GPR149: variants seen among roughly 807,000 people sequenced by gnomAD.
GPR149 encodes G protein-coupled receptor 149, also known as probable G protein-coupled receptor 149.
A neutral mutation model predicts 50.2 loss-of-function variants in GPR149; 50 were observed. The observed-to-expected ratio is 1.00, with a 90% CI of 0.79 to 1.26. The LOEUF is 1.26. Among genes scored for constraint, GPR149 ranks in the 50% most tolerant of loss-of-function variants. The pLI, the probability that GPR149 is intolerant of heterozygous loss-of-function variation, is 0.00. For missense variants in GPR149, 983 were observed against 895.4 expected (o/e 1.10, Z -1.25); for synonymous variants, 405 against 358.2 (o/e 1.13, Z -1.48).
intron 3 of GPR149, among the ~76,000 whole-genome samples, chr3:154,365,227 G>A (rs1421849307): frequency 2.0e-4 from 31 of 152,122 alleles, no homozygotes; most frequent in Admixed American, 2.0e-3. Context: ...CCAGAGTATG[G>A]GGGAGGAGAG....
intron 3 of GPR149, among the ~76,000 whole-genome samples, chr3:154,355,553 TATG>T (rs1714199783): frequency 2.0e-5 from 3 of 152,216 alleles, no homozygotes; most frequent in Admixed American, 6.5e-5. Context: ...TCAAATCAGA[TATG>T]ATATGTATCC....
At chr3:154,420,672 G>T (rs1311525295) in intron 3 of GPR149, among the ~76,000 whole-genome samples, 1 of 151,608 alleles carries the variant, frequency 6.6e-6, no homozygotes, top group African/African-American at 2.4e-5. Context: ...GGAGACTTAA[G>T]GTATACCTTT....
In GPR149 at chr3:154,335,607, A is replaced by G. The variant is rs980066566; in HGVS notation, c.*2092T>C. The G allele has an allele frequency of 1.3e-5, 2 of 152,158 alleles. No individual in the cohort carries two copies. The highest frequency in any genetic ancestry group is 4.8e-5 in the African/African-American group (2 of 41,456). The allele number at this position is 152,158 out of a possible 1,614,324, so 9.4% of individuals were successfully genotyped here. A position where few individuals can be genotyped will look rare whatever the true frequency, so the allele number is the denominator to read the frequency against. On this transcript the variant is annotated 3_prime_UTR_variant, in exon 4 of 4. Coordinates refer to ENST00000389740, the MANE Select transcript of GPR149 (RefSeq NM_001038705.3). ...AACAACCAAGGGCAATTAAATGGGA[A>G]TATCCTAATTATTTTTCCAATTCCC...
chr3:154,352,503 G>T lies in GPR149; in HGVS notation c.1624-14232C>A, dbSNP rs1044136692. The T allele has an allele frequency of 5.2e-6, 4 of 774,530 alleles. No homozygotes were observed. In the Admixed American group the frequency reaches 6.8e-5, roughly 13 times the overall value. 48.0% of individuals were successfully genotyped at this position (774,530 alleles called of 1,614,324 possible). A position where few individuals can be genotyped will look rare whatever the true frequency, so the allele number is the denominator to read the frequency against. On this transcript the variant is annotated intron_variant, in intron 3 of 3. Transcript: ENST00000389740. ...GCACACACTGGTAATCTGAGACGCT[G>T]TATTACTACTTAGCTTTCTATTAAG...
rs943050158 is a variant in GPR149 at position 154,335,829 on chromosome 3, C to T, written c.*1870G>A. The stretch of plus-strand genomic sequence containing the variant: ...CTTCAGCTTTATTATGATCCTGTGT[C>T]TAATTTCCTTTTTGCCTGAAATTGC... On this transcript the variant is annotated 3_prime_UTR_variant, in exon 4 of 4. Coordinates refer to ENST00000389740, the MANE Select transcript of GPR149 (RefSeq NM_001038705.3). The T allele has an allele frequency of 6.6e-6, 1 of 152,118 alleles. No homozygotes were observed. Among genetic ancestry groups the T allele is most frequent in the African/African-American group, 2.4e-5 (1 of 41,452 alleles). 9.4% of individuals were successfully genotyped at this position (152,118 alleles called of 1,614,324 possible). A position where few individuals can be genotyped will look rare whatever the true frequency, so the allele number is the denominator to read the frequency against.
chr3:154,427,765 G>C (rs1443103121), intron 1 of GPR149, 57 bp from the exon 2 acceptor site: 4 of 1,486,642 alleles, frequency 2.7e-6, no homozygotes, highest in Non-Finnish European at 3.6e-6. Flanking sequence ...TACTTCTCAA[G>C]CCTTTTCTCC....
intron 3 of GPR149, among the ~76,000 whole-genome samples, chr3:154,368,092 A>G (rs1714583532): frequency 6.6e-6 from 1 of 152,184 alleles, no homozygotes; most frequent in Non-Finnish European, 1.5e-5. Flanking sequence ...GTGGTCCCGA[A>G]GTACACCCGG....
In GPR149 at chr3:154,337,807, G is replaced by A. The variant is rs1442836862; in HGVS notation, c.2088C>T (p.His696=). The change falls in exon 4 of 4, where the codon CAC becomes CAT. Residue 696 remains histidine, a synonymous_variant. Coordinates refer to ENST00000389740, the MANE Select transcript of GPR149 (RefSeq NM_001038705.3). Reference sequence around the variant, plus strand: ...GATGCTGCCTTTTACTGTTCTGCCTGTGTGCTTCTACTGTGTCTGGAATGG... The same window carrying A: ...GATGCTGCCTTTTACTGTTCTGCCTATGTGCTTCTACTGTGTCTGGAATGG... ...NISIPDTVEA[H]RQNSKRQHQE... 3 of 1,614,040 alleles carry A rather than the reference G, an allele frequency of 1.9e-6. No individual in the cohort carries two copies. In the Admixed American group the frequency reaches 5.0e-5, roughly 27 times the overall value.
chr3:154,344,019 G>A (rs971805645), intron 3 of GPR149, among the ~76,000 whole-genome samples: 5 of 151,978 alleles, frequency 3.3e-5, no homozygotes, highest in Non-Finnish European at 7.4e-5. Context: ...AAAAAATGTA[G>A]AGAATGGCAC....
At position 154,336,485 on chromosome 3, in the gene GPR149, A is replaced by G. The variant is rs950611731; in HGVS notation, c.*1214T>C. On this transcript the variant is annotated 3_prime_UTR_variant, in exon 4 of 4. Transcript: ENST00000389740. ...AACTTTTAGGTAATACATTTCATAT[A>G]TGTTTACAGGAAGGTTAGAATAAAG... 1 of 152,136 alleles carries G rather than the reference A, an allele frequency of 6.6e-6. No homozygotes were observed. Among genetic ancestry groups the G allele is most frequent in the African/African-American group, 2.4e-5 (1 of 41,456 alleles). 9.4% of individuals were successfully genotyped at this position (152,136 alleles called of 1,614,324 possible). A position where few individuals can be genotyped will look rare whatever the true frequency, so the allele number is the denominator to read the frequency against.
In GPR149 at chr3:154,338,750, G is replaced by A. The variant is rs375490176; in HGVS notation, c.1624-479C>T. The stretch of plus-strand genomic sequence containing the variant: ...AAGTAAATGATAATTGTGAAACGGT[G>A]GCTTAAGGACAAAAGATACTTCAAC... On this transcript the variant is annotated intron_variant, in intron 3 of 3. Transcript: ENST00000389740. 2.0e-5 allele frequency among the ~76,000 whole-genome samples: 3 copies of A among 152,080 alleles called. No homozygotes were observed. The East Asian group carries it at 5.8e-4, about 29-fold the overall frequency.
At chr3:154,371,004 G>T (rs1157439017) in intron 3 of GPR149, among the ~76,000 whole-genome samples, 1 of 152,114 alleles carries the variant, frequency 6.6e-6, no homozygotes, top group Non-Finnish European at 1.5e-5. Context: ...CAACTTTGAG[G>T]TATGGGCCTT....
chr3:154,411,604 A>C (rs772606363), intron 3 of GPR149, among the ~76,000 whole-genome samples: 1 of 152,166 alleles, frequency 6.6e-6, no homozygotes, highest in Non-Finnish European at 1.5e-5. Context: ...CCTAGAGGAG[A>C]TGAATAAATT....
At chr3:154,428,281 A>G (rs901262362) in intron 1 of GPR149, among the ~76,000 whole-genome samples, 18 of 152,192 alleles carry the variant, frequency 1.2e-4, no homozygotes, top group African/African-American at 4.1e-4. Context: ...GGTTGTGGGG[A>G]AAAAACCTTT....
intron 3 of GPR149, among the ~76,000 whole-genome samples, chr3:154,367,993 T>C (rs997724428): frequency 6.6e-6 from 1 of 152,200 alleles, no homozygotes; most frequent in Admixed American, 6.5e-5. Flanking sequence ...TCAGGCTGTC[T>C]GGAAAAGGGC....
At chr3:154,405,123 ATTATAC>A (rs1163012532) in intron 3 of GPR149, among the ~76,000 whole-genome samples, 1 of 152,232 alleles carries the variant, frequency 6.6e-6, no homozygotes, top group Admixed American at 6.5e-5. Flanking sequence ...ATGATATGAT[ATTATAC>A]TTATAAATTT....
At chr3:154,414,052 AC>A (rs1302059871) in intron 3 of GPR149, among the ~76,000 whole-genome samples, 5 of 151,930 alleles carry the variant, frequency 3.3e-5, no homozygotes, top group Admixed American at 3.3e-4. Flanking sequence ...AAGTGAAGCA[AC>A]TCAGGAATGA....
At chr3:154,366,813 G>A (rs1278148979) in intron 3 of GPR149, among the ~76,000 whole-genome samples, 3 of 152,158 alleles carry the variant, frequency 2.0e-5, no homozygotes, top group South Asian at 2.1e-4. Context: ...TCTAAAATCT[G>A]TAAAACCAAA....
Position 154,337,546 on chromosome 3 carries a change from C to T in GPR149, c.*153G>A. 1 of 566,672 alleles carries T rather than the reference C, an allele frequency of 1.8e-6. No homozygotes were observed. The highest frequency in any genetic ancestry group is 2.8e-5 in the East Asian group (1 of 36,096). The allele number at this position is 566,672 out of a possible 1,614,324, so 35.1% of individuals were successfully genotyped here. A position where few individuals can be genotyped will look rare whatever the true frequency, so the allele number is the denominator to read the frequency against. Reference sequence around the variant, plus strand: ...CATCAAATGCACTTAAGTGTTTACACTAGTTCCAGTTGTTCCCACAAAAAA... The same window carrying T: ...CATCAAATGCACTTAAGTGTTTACATTAGTTCCAGTTGTTCCCACAAAAAA... On this transcript the variant is annotated 3_prime_UTR_variant, in exon 4 of 4. Coordinates refer to ENST00000389740, the MANE Select transcript of GPR149 (RefSeq NM_001038705.3).
Sources: gnomAD v4.1 joint callset for allele counts (sites outside exome capture counted in the v4.1 genomes callset) on GRCh38, gnomAD v4.1.1 for gene constraint, MANE v1.5 for transcripts, NCBI Gene and HGNC (gene_info 2026-07-23, HGNC 2026-07-21) for gene names.